Variants in ATP5MF observed in about 807,000 individuals in gnomAD.
ATP5MF encodes ATP synthase F(0) complex subunit f, mitochondrial.
ATP5MF carries 10 observed loss-of-function variants against 13.8 expected under a neutral mutation model. The observed-to-expected ratio is 0.72, with a 90% confidence interval of 0.45 to 1.23. The LOEUF (loss-of-function observed/expected upper bound fraction) is 1.23. Among genes scored for constraint, ATP5MF ranks in the 50% most tolerant of loss-of-function variants. The probability of loss-of-function intolerance (pLI) is 0.00; values close to 1 mark genes in which losing one functional copy is unlikely to be tolerated. For missense variants in ATP5MF, 122 were observed against 118.2 expected (o/e 1.03, Z -0.15); for synonymous variants, 40 against 45.8 (o/e 0.87, Z 0.51).
At chr7:99,458,457 TC>T in intron 3 of ATP5MF, 102 bp from the exon 4 acceptor site, 1 of 1,278,758 alleles carries the variant, frequency 7.8e-7, no homozygotes, top group Non-Finnish European at 1.1e-6. Flanking sequence ...TCCTGAGAAT[TC>T]CCTTCAGAGA....
Position 99,460,077 on chromosome 7 carries a change from G to A in ATP5MF, c.139+9C>T, listed in dbSNP as rs577042985. ...TGCTTTCATTTACAGACATCCACAAGGCTCTGACCTCTTTGAAACGCTCCG... is the reference window on the plus strand; with the variant it reads ...TGCTTTCATTTACAGACATCCACAAAGCTCTGACCTCTTTGAAACGCTCCG... On this transcript the variant is annotated intron_variant, in intron 2 of 3. Transcript: ENST00000292475. The A allele has an allele frequency of 6.3e-7, 1 of 1,594,354 alleles. No individual in the cohort carries two copies. The highest frequency in any genetic ancestry group is 2.2e-5 in the East Asian group (1 of 44,744).
intron 2 of ATP5MF, chr7:99,459,822 C>G (rs1798518709): frequency 2.3e-6 from 1 of 430,086 alleles, no homozygotes; most frequent in Admixed American, 4.1e-5. Flanking sequence ...TTAAAGAAGT[C>G]TTAGGATTTC....
At chr7:99,462,937 A>G (rs1457542938) in intron 1 of ATP5MF, among the ~76,000 whole-genome samples, 1 of 152,248 alleles carries the variant, frequency 6.6e-6, no homozygotes, top group African/African-American at 2.4e-5. Context: ...AGTAGAGTTC[A>G]GAGACAGAGC....
At chr7:99,459,049 C>T in intron 3 of ATP5MF, 98 bp downstream of exon 3, 1 of 866,030 alleles carries the variant, frequency 1.2e-6, no homozygotes, top group Admixed American at 2.1e-5. Flanking sequence ...ACTAAAGGTC[C>T]CTCAGCCTCA....
Position 99,464,943 on chromosome 7 carries a change from C to G in ATP5MF, c.31+1168G>C, listed in dbSNP as rs540497154. 1.1e-4 allele frequency among the ~76,000 whole-genome samples: 17 copies of G among 151,452 alleles called. No individual in the cohort carries two copies. The East Asian group carries it at 3.3e-3, about 29-fold the overall frequency. ...ATCAGCTACTGCACTCTAGCCTGGGCGACAGCGTGAGACTCCATGTCAAAA... is the reference window on the plus strand; with the variant it reads ...ATCAGCTACTGCACTCTAGCCTGGGGGACAGCGTGAGACTCCATGTCAAAA... On this transcript the variant is annotated intron_variant, in intron 1 of 3. Transcript: ENST00000292475.
chr7:99,464,708 C>T (rs1404280179), intron 1 of ATP5MF, among the ~76,000 whole-genome samples: 1 of 151,878 alleles, frequency 6.6e-6, no homozygotes, highest in Non-Finnish European at 1.5e-5. Flanking sequence ...CGCTGGTAAT[C>T]TCAACACTTT....
intron 1 of ATP5MF, among the ~76,000 whole-genome samples, chr7:99,464,479 C>T (rs1394711803): frequency 6.6e-6 from 1 of 152,086 alleles, no homozygotes; most frequent in African/African-American, 2.4e-5. Context: ...CTGGCTAACA[C>T]AGTGAAACCC....
chr7:99,458,887 A>T (rs780057852), intron 3 of ATP5MF: 8 of 446,254 alleles, frequency 1.8e-5, no homozygotes, highest in Non-Finnish European at 3.3e-5. Flanking sequence ...GCTGTATTTT[A>T]AAGAATGCTT....
At chr7:99,458,474 C>T (rs558734810) in intron 3 of ATP5MF, 119 bp from the exon 4 acceptor site, 1 of 1,041,860 alleles carries the variant, frequency 9.6e-7, no homozygotes. Flanking sequence ...AGAGATGACC[C>T]ATGACCCGCC....
chr7:99,464,351 C>G (rs938097117), intron 1 of ATP5MF, among the ~76,000 whole-genome samples: 1 of 152,230 alleles, frequency 6.6e-6, no homozygotes, highest in African/African-American at 2.4e-5. Flanking sequence ...CTTCATTTCT[C>G]TAGGCTGAGA....
Position 99,458,221 on chromosome 7 carries a change from A to T in ATP5MF, c.*106T>A. ...ACCAGTCATGTTTTATTTGGAGGTT[A>T]ATTCCTATTAGGATATGAAAGGATT... On this transcript the variant is annotated 3_prime_UTR_variant, in exon 4 of 4. Coordinates refer to ENST00000292475, the MANE Select transcript of ATP5MF (RefSeq NM_004889.5). 1 of 1,186,522 alleles carries T rather than the reference A, an allele frequency of 8.4e-7. No individual in the cohort carries two copies. The highest frequency in any genetic ancestry group is 1.2e-6 in the Non-Finnish European group (1 of 833,108). 73.5% of individuals were successfully genotyped at this position (1,186,522 alleles called of 1,614,324 possible). A position where few individuals can be genotyped will look rare whatever the true frequency, so the allele number is the denominator to read the frequency against.
chr7:99,459,222 C>G lies in ATP5MF; in HGVS notation c.181G>C (p.Gly61Arg). ...YYNKYINVKKGSISGITMVLA... is the reference protein window; with the variant it reads ...YYNKYINVKKRSISGITMVLA... Reference sequence around the variant, plus strand: ...ACCATGGTAATCCCCGAGATGCTCCCCTTCTTCACATTGATGTACTTGTTG... The same window carrying G: ...ACCATGGTAATCCCCGAGATGCTCCGCTTCTTCACATTGATGTACTTGTTG... Residue 61 changes from glycine (G) to arginine (R), a missense_variant, in exon 3 of 4, where the codon GGG (glycine) becomes CGG (arginine). By Grantham distance (125) the Gly-to-Arg change is moderately radical. Transcript: ENST00000292475. 6.2e-7 allele frequency: 1 copy of G among 1,614,160 alleles called. No homozygotes were observed. Among genetic ancestry groups the G allele is most frequent in the Non-Finnish European group, 8.5e-7 (1 of 1,180,014 alleles).
In ATP5MF at chr7:99,458,319, TGTCCTCTTCAGTG is replaced by T; in HGVS notation, c.280_*7del. Reference sequence around the variant, plus strand: ...TCGTGGGGTGGGGGGGTGCAGAGTGTGTCCTCTTCAGTGGTATTTGCGGAGCCGCTCGTGCTCT... The same window carrying T: ...TCGTGGGGTGGGGGGGTGCAGAGTGTGTATTTGCGGAGCCGCTCGTGCTCT... On this transcript the variant is annotated stop_lost and 3_prime_UTR_variant, in exon 4 of 4. Transcript: ENST00000292475. 6.2e-7 allele frequency: 1 copy of T among 1,609,806 alleles called. No homozygotes were observed. The highest frequency in any genetic ancestry group is 8.5e-7 in the Non-Finnish European group (1 of 1,178,810).
At chr7:99,458,976 T>G in intron 3 of ATP5MF, 171 bp downstream of exon 3, 1 of 577,996 alleles carries the variant, frequency 1.7e-6, no homozygotes, top group Non-Finnish European at 3.1e-6. Context: ...TCAAACAATA[T>G]CCCACATACT....
intron 1 of ATP5MF, among the ~76,000 whole-genome samples, chr7:99,465,299 G>A (rs1421010601): frequency 6.6e-6 from 1 of 152,000 alleles, no homozygotes; most frequent in African/African-American, 2.4e-5. Flanking sequence ...ACTGAGCTAA[G>A]ACACACATGT....
intron 1 of ATP5MF, among the ~76,000 whole-genome samples, chr7:99,462,644 G>A (rs534040433): frequency 1.3e-5 from 2 of 152,260 alleles, no homozygotes; most frequent in East Asian, 1.9e-4. Flanking sequence ...GCATGGTGGC[G>A]TGTGCCTGTA....
At chr7:99,466,081 G>A (rs1455206068) in intron 1 of ATP5MF, 30 bp downstream of exon 1, 1 of 1,614,064 alleles carries the variant, frequency 6.2e-7, no homozygotes, top group Non-Finnish European at 8.5e-7. Context: ...CCTGGCTCCT[G>A]CTTCCACCAC....
intron 1 of ATP5MF, among the ~76,000 whole-genome samples, chr7:99,465,820 G>C (rs1798846781): frequency 6.6e-6 from 1 of 152,308 alleles, no homozygotes; most frequent in African/African-American, 2.4e-5. Flanking sequence ...AGAGGGAAGC[G>C]GCTATTTCTT....
At chr7:99,465,958 G>T (rs1410619287) in intron 1 of ATP5MF, among the ~76,000 whole-genome samples, 153 bp downstream of exon 1, 1 of 152,330 alleles carries the variant, frequency 6.6e-6, no homozygotes, top group East Asian at 1.9e-4. Flanking sequence ...GCGCGCCTGG[G>T]CAGGCGGAGC....
Sources: allele counts gnomAD v4.1 joint callset (sites outside exome capture counted in the v4.1 genomes callset), GRCh38; gene constraint gnomAD v4.1.1; transcripts MANE v1.5; gene names NCBI Gene and HGNC (gene_info 2026-07-23, HGNC 2026-07-21).